MICAL2: variants seen among roughly 807,000 people sequenced by gnomAD.
MICAL2 encodes the protein microtubule associated monooxygenase, calponin and LIM domain containing 2, also known as [F-actin]-monooxygenase MICAL2.
Under a neutral mutation model 127.3 loss-of-function variants are expected in MICAL2, and 77 were observed. The observed-to-expected ratio is 0.60, with a 90% CI of 0.50 to 0.73. MICAL2 has a LOEUF of 0.73. Among genes scored for constraint, MICAL2 ranks in the 30% least tolerant of loss-of-function variants. The probability of loss-of-function intolerance (pLI) is 0.00; values close to 1 mark genes in which losing one functional copy is unlikely to be tolerated. For missense variants in MICAL2, 1,351 were observed against 1,434.4 expected (o/e 0.94, Z 0.94); for synonymous variants, 570 against 551.1 (o/e 1.03, Z -0.48).
downstream of MICAL2, among the ~76,000 whole-genome samples, chr11:12,264,198 G>C (rs537894734): frequency 4.1e-4 from 62 of 152,296 alleles, no homozygotes; most frequent in South Asian, 0.012. Context: ...TTCAGCAAAG[G>C]TTGGTCTGGA....
At chr11:12,354,588 G>A (rs1565314146) in intron 33 of MICAL2, among the ~76,000 whole-genome samples, 1 of 152,090 alleles carries the variant, frequency 6.6e-6, no homozygotes, top group South Asian at 2.1e-4. Context: ...CAGTGAGCTG[G>A]TGCCACTGCA....
intron 1 of MICAL2, among the ~76,000 whole-genome samples, chr11:12,132,519 G>T (rs1308556176): frequency 6.6e-6 from 1 of 152,226 alleles, no homozygotes; most frequent in African/African-American, 2.4e-5. Flanking sequence ...GGAAATACCT[G>T]CCTGGATAAT....
intron 6 of MICAL2, 146 bp from the exon 7 acceptor site, chr11:12,213,109 T>C (rs930151339): frequency 2.7e-5 from 25 of 925,634 alleles, no homozygotes; most frequent in Non-Finnish European, 3.8e-5. Context: ...AACTTCGGTA[T>C]TTCTGCCCGC....
In MICAL2 at chr11:12,221,629, C is replaced by G; in HGVS notation, c.1207-15C>G. 6.3e-7 allele frequency: 1 copy of G among 1,586,952 alleles called. No individual in the cohort carries two copies. Among genetic ancestry groups the G allele is most frequent in the African/African-American group, 1.3e-5 (1 of 74,298 alleles). Reference sequence around the variant, plus strand: ...CATCAGAATCAACTGGAATTTTGCACGTTTTCTTTTGCAGCCATTTTGGCC... The same window carrying G: ...CATCAGAATCAACTGGAATTTTGCAGGTTTTCTTTTGCAGCCATTTTGGCC... On this transcript the variant is annotated splice_polypyrimidine_tract_variant and intron_variant, in intron 9 of 27. Coordinates refer to ENST00000683283, the MANE Select transcript of MICAL2 (RefSeq NM_001282663.2).
chr11:12,240,040 GC>G (rs1859656374), intron 17 of MICAL2, among the ~76,000 whole-genome samples: 1 of 152,212 alleles, frequency 6.6e-6, no homozygotes, highest in South Asian at 2.1e-4. Context: ...AGGCTGGCTG[GC>G]TGGGAAAGTA....
Position 12,163,990 on chromosome 11 carries a change from A to G in MICAL2, c.264+1571A>G, listed in dbSNP as rs145555675. On this transcript the variant is annotated intron_variant, in intron 3 of 27. Coordinates refer to ENST00000683283, the MANE Select transcript of MICAL2 (RefSeq NM_001282663.2). ...GGAATGCTATTGCCCCATACACCCA[A>G]CATGTTGTGGCTGCTGAGGGACCCT... 7.1e-4 allele frequency among the ~76,000 whole-genome samples: 108 copies of G among 152,116 alleles called. 1 individual carries two copies. The highest frequency in any genetic ancestry group is 2.5e-3 in the African/African-American group (105 of 41,498).
chr11:12,249,188 A>G lies in MICAL2; in HGVS notation c.2789A>G (p.Lys930Arg), dbSNP rs539876937. The G allele has an allele frequency of 6.2e-7, 1 of 1,613,918 alleles. No homozygotes were observed. Among genetic ancestry groups the G allele is most frequent in the Admixed American group, 1.7e-5 (1 of 60,006 alleles). Residue 930 changes from lysine to arginine, a missense_variant, in exon 22 of 28, where the codon AAG (lysine) becomes AGG (arginine). By Grantham distance (26) the Lys-to-Arg change is conservative. Coordinates refer to ENST00000683283, the MANE Select transcript of MICAL2 (RefSeq NM_001282663.2). ...VDSASPARKE[K>R]KSPSGFHFHP... ...TTGATCCCTCTCTTTCTAAAGGAAA[A>G]GAAGTCACCTTCAGGGTTCCATTTT...
intron 1 of MICAL2, among the ~76,000 whole-genome samples, chr11:12,278,077 GGTGA>G (rs1352792458): frequency 6.6e-6 from 1 of 152,176 alleles, no homozygotes; most frequent in African/African-American, 2.4e-5. Flanking sequence ...AGTTGCTCTG[GGTGA>G]GTGAGTGGGT....
chr11:12,200,084 TGAG>T (rs1279010818), intron 3 of MICAL2, among the ~76,000 whole-genome samples: 1 of 152,080 alleles, frequency 6.6e-6, no homozygotes, highest in African/African-American at 2.4e-5. Flanking sequence ...AGCTGTCTAT[TGAG>T]GCCTCCTAAG....
chr11:12,188,659 G>A (rs1451473044), intron 3 of MICAL2, among the ~76,000 whole-genome samples: 1 of 152,138 alleles, frequency 6.6e-6, no homozygotes, highest in Non-Finnish European at 1.5e-5. Context: ...TAAAATTGGA[G>A]GGCTTAGGGC....
intron 2 of MICAL2, among the ~76,000 whole-genome samples, chr11:12,149,418 G>A (rs1216702096): frequency 4.6e-5 from 7 of 152,298 alleles, no homozygotes; most frequent in Middle Eastern, 3.4e-3. Flanking sequence ...TTGAAATAAA[G>A]ATCTCTCTGG....
intron 22 of MICAL2, chr11:12,255,391 T>C: frequency 2.0e-6 from 1 of 496,496 alleles, no homozygotes. Context: ...TTGACTACTC[T>C]AGGTACCACA....
At chr11:12,348,429 T>C (rs1938991425) in intron 32 of MICAL2, among the ~76,000 whole-genome samples, 1 of 152,148 alleles carries the variant, frequency 6.6e-6, no homozygotes, top group African/African-American at 2.4e-5. Context: ...TGTGTCATTA[T>C]ATATAAGGGA....
At chr11:12,320,099 G>T (rs1565304336) in intron 30 of MICAL2, among the ~76,000 whole-genome samples, 1 of 152,114 alleles carries the variant, frequency 6.6e-6, no homozygotes, top group Non-Finnish European at 1.5e-5. Flanking sequence ...TTAATATGTG[G>T]TCCAACAAGC....
Position 12,227,094 on chromosome 11 carries a change from A to C in MICAL2, c.1958A>C (p.Tyr653Ser). 1 of 1,614,000 alleles carries C rather than the reference A, an allele frequency of 6.2e-7. No homozygotes were observed. The highest frequency in any genetic ancestry group is 1.6e-4 in the Middle Eastern group (1 of 6,062). The change falls in exon 15 of 28, where the codon TAT (tyrosine) becomes TCT (serine). Residue 653 changes from tyrosine to serine, a missense_variant. Around this residue, in one of 2 missense-constraint regions of MICAL2, gnomAD observed 752 missense variants for 719.4 expected, o/e 1.05. Coordinates refer to ENST00000683283, the MANE Select transcript of MICAL2 (RefSeq NM_001282663.2). Reference protein sequence around the residue: ...SLAKSSISNNYLNLTFPRKRT... With the variant: ...SLAKSSISNNSLNLTFPRKRT... The stretch of plus-strand genomic sequence containing the variant: ...GCCAAATCATCCATTTCTAATAACT[A>C]TCTCAACCTCACATTTCCAAGGAAG...
intron 10 of MICAL2, among the ~76,000 whole-genome samples, chr11:12,221,971 G>C (rs1038539159): frequency 6.6e-6 from 1 of 152,190 alleles, no homozygotes; most frequent in African/African-American, 2.4e-5. Flanking sequence ...TCTGGGGCCA[G>C]GACCTTGGGC....
chr11:12,155,571 C>T (rs1391869571), intron 2 of MICAL2, among the ~76,000 whole-genome samples: 2 of 152,158 alleles, frequency 1.3e-5, no homozygotes, highest in African/African-American at 2.4e-5. Context: ...CACATGCACA[C>T]ATATATACAT....
At chr11:12,231,313 G>A (rs1858226819) in intron 15 of MICAL2, among the ~76,000 whole-genome samples, 1 of 152,204 alleles carries the variant, frequency 6.6e-6, no homozygotes, top group Non-Finnish European at 1.5e-5. Context: ...AGCCAGATGG[G>A]TAGCCCCAGG....
intron 1 of MICAL2, among the ~76,000 whole-genome samples, chr11:12,111,187 C>T (rs1343153683): frequency 6.6e-6 from 1 of 152,204 alleles, no homozygotes; most frequent in Non-Finnish European, 1.5e-5. Context: ...CCTCCCCTGT[C>T]CCCTCCCTCT....
Sources: allele counts gnomAD v4.1 joint callset (sites outside exome capture counted in the v4.1 genomes callset), GRCh38; gene constraint gnomAD v4.1.1; regional missense constraint gnomAD v4.1.1; transcripts MANE v1.5; gene names NCBI Gene and HGNC (gene_info 2026-07-23, HGNC 2026-07-21).